TCEANC2: variants seen among roughly 807,000 people sequenced by gnomAD.
The protein encoded by TCEANC2 is transcription elongation factor A N-terminal and central domain-containing protein 2.
Under a neutral mutation model 22.8 loss-of-function variants are expected in TCEANC2, and 20 were observed. The ratio of observed to expected loss-of-function variants is 0.88; its 90% CI spans 0.62 to 1.28. TCEANC2 has a LOEUF of 1.28. Among genes scored for constraint, TCEANC2 ranks in the 50% most tolerant of loss-of-function variants. The pLI is 0.00. For missense variants in TCEANC2, 251 were observed against 249.7 expected (o/e 1.01, Z -0.03); for synonymous variants, 84 against 95.5 (o/e 0.88, Z 0.70).
chr1:54,057,612 C>T (rs141402059), intron 2 of TCEANC2, among the ~76,000 whole-genome samples: 266 of 152,172 alleles, frequency 1.7e-3, no homozygotes, highest in Non-Finnish European at 3.4e-3. Context: ...GACTTGTCTC[C>T]CTGCCTTTGA....
rs1287025414 is a variant in TCEANC2, at chr1:54,096,614, G to A, written c.*141G>A. 1 of 1,403,108 alleles carries A rather than the reference G, an allele frequency of 7.1e-7. No homozygotes were observed. 86.9% of individuals were successfully genotyped at this position (1,403,108 alleles called of 1,614,324 possible). ...ATGGTGCCGTTCCTTTGCAGACAGA[G>A]GATTCGGAGAGCCCTAGGAGACAGG... On this transcript the variant is annotated 3_prime_UTR_variant, in exon 5 of 5. Coordinates refer to ENST00000234827, the MANE Select transcript of TCEANC2 (RefSeq NM_153035.3). This position sits in a 1 kb window ranked among gnomAD's most constrained non-coding sequence, Gnocchi z 4.9.
Position 54,069,603 on chromosome 1 carries a change from C to CAA in TCEANC2, c.244+722_244+723dup, listed in dbSNP as rs1333889985. On this transcript the variant is annotated intron_variant, in intron 3 of 4. Coordinates refer to ENST00000234827, the MANE Select transcript of TCEANC2 (RefSeq NM_153035.3). Reference sequence around the variant, plus strand: ...AGCCTGGGCGACTCAGACTCTGTCTCAAAAAAAAAAAAAAAAAGAAACTTA... The same window carrying CAA: ...AGCCTGGGCGACTCAGACTCTGTCTCAAAAAAAAAAAAAAAAAAAGAAACTTA... 5.0e-3 allele frequency among the ~76,000 whole-genome samples: 337 copies of CAA among 67,626 alleles called. 1 individual carries two copies. The highest frequency in any genetic ancestry group is 0.016 in the African/African-American group (318 of 20,014). The allele number at this position is 67,626 out of a possible 152,430, so 44.4% of individuals were successfully genotyped here.
At chr1:54,074,768 G>A (rs541843374) in intron 3 of TCEANC2, among the ~76,000 whole-genome samples, 96 of 152,266 alleles carry the variant, frequency 6.3e-4, no homozygotes, top group Middle Eastern at 3.4e-3. Context: ...ACTTAGGACC[G>A]TTTCAAAAGT....
At chr1:54,106,862 T>G (rs1570036831), downstream of TCEANC2, among the ~76,000 whole-genome samples, 1 of 152,184 alleles carries the variant, frequency 6.6e-6, no homozygotes, top group Non-Finnish European at 1.5e-5. Flanking sequence ...CCTTGCCTGA[T>G]TTTTTTAAAT....
intron 2 of TCEANC2, 116 bp downstream of exon 2, chr1:54,054,640 G>C: frequency 9.6e-7 from 1 of 1,039,910 alleles, no homozygotes; most frequent in East Asian, 2.6e-5. Flanking sequence ...CCTCCTCAAA[G>C]TGTACCTGAC....
At position 54,103,069 on chromosome 1, in the gene TCEANC2, C is replaced by T. The variant is rs961321003; in HGVS notation, c.*6596C>T. On this transcript the variant is annotated 3_prime_UTR_variant, in exon 5 of 5. Transcript: ENST00000234827. Reference sequence around the variant, plus strand: ...GTAGTTGGACCTATAGGAGTGGGCACCAAGTGTGAAGATCATTGTATTCCA... The same window carrying T: ...GTAGTTGGACCTATAGGAGTGGGCATCAAGTGTGAAGATCATTGTATTCCA... The T allele has an allele frequency of 5.3e-5, 8 of 152,220 alleles. No individual in the cohort carries two copies. The highest frequency in any genetic ancestry group is 1.9e-4 in the African/African-American group (8 of 41,414). 9.4% of individuals were successfully genotyped at this position (152,220 alleles called of 1,614,324 possible).
chr1:54,089,580 T>C (rs1362369847), intron 4 of TCEANC2, among the ~76,000 whole-genome samples: 5 of 152,234 alleles, frequency 3.3e-5, no homozygotes, highest in African/African-American at 1.2e-4. Context: ...TTCATGTTTC[T>C]TCCTTATCCC....
chr1:54,107,747 C>T (rs1019430463), downstream of TCEANC2, among the ~76,000 whole-genome samples: 2 of 152,144 alleles, frequency 1.3e-5, no homozygotes, highest in East Asian at 1.9e-4. Context: ...TACACAACCA[C>T]GTTGTGTGAG....
At chr1:54,089,060 C>T (rs1263364686) in intron 4 of TCEANC2, among the ~76,000 whole-genome samples, 1 of 152,174 alleles carries the variant, frequency 6.6e-6, no homozygotes, top group Non-Finnish European at 1.5e-5. Flanking sequence ...GAAACCCTGA[C>T]ATTCTAGTTG....
intron 3 of TCEANC2, among the ~76,000 whole-genome samples, chr1:54,086,499 C>A (rs1658342847): frequency 6.6e-6 from 1 of 152,118 alleles, no homozygotes; most frequent in Non-Finnish European, 1.5e-5. Context: ...AAGAGTATTT[C>A]AGGCAGACAG....
intron 3 of TCEANC2, among the ~76,000 whole-genome samples, chr1:54,077,448 T>C (rs550918722): frequency 1.5e-4 from 23 of 152,250 alleles, no homozygotes; most frequent in African/African-American, 4.3e-4. Flanking sequence ...TTTCATACTA[T>C]CCAAATCCAA....
At chr1:54,065,392 G>A (rs1657934180) in intron 2 of TCEANC2, among the ~76,000 whole-genome samples, 2 of 152,166 alleles carry the variant, frequency 1.3e-5, no homozygotes, top group Non-Finnish European at 2.9e-5. Context: ...GGAGAATACT[G>A]GTATCAATTT....
chr1:54,063,842 C>T (rs1410487590), intron 2 of TCEANC2, among the ~76,000 whole-genome samples: 4 of 152,116 alleles, frequency 2.6e-5, no homozygotes, highest in Non-Finnish European at 4.4e-5. Flanking sequence ...AAAAAAGTCT[C>T]TATGTGTTCA....
intron 4 of TCEANC2, 89 bp downstream of exon 4, chr1:54,088,879 T>G: frequency 2.1e-6 from 2 of 931,866 alleles, no homozygotes; most frequent in Non-Finnish European, 3.0e-6. Flanking sequence ...TGGTCGGATG[T>G]GATTAGTAGG....
Position 54,075,779 on chromosome 1 carries a change from G to A in TCEANC2, c.244+6882G>A, listed in dbSNP as rs556277643. 5.9e-5 allele frequency among the ~76,000 whole-genome samples: 9 copies of A among 152,210 alleles called. No individual in the cohort carries two copies. In the East Asian group the frequency reaches 1.2e-3, roughly 20 times the overall value. On this transcript the variant is annotated intron_variant, in intron 3 of 4. Coordinates refer to ENST00000234827, the MANE Select transcript of TCEANC2 (RefSeq NM_153035.3). ...CTCTAATCCCAGCACTTTGGGAGGC[G>A]CAGGCAAGTGAATCACTTGAGGTCA...
At chr1:54,065,172 A>G (rs1657930118) in intron 2 of TCEANC2, among the ~76,000 whole-genome samples, 1 of 152,168 alleles carries the variant, frequency 6.6e-6, no homozygotes, top group South Asian at 2.1e-4. Flanking sequence ...AACTTGTCCA[A>G]TGAAAAAATA....
At position 54,104,359 on chromosome 1, in the gene TCEANC2, C is replaced by T. The variant is rs1046090971; in HGVS notation, c.*7886C>T. 1.7e-5 allele frequency: 4 copies of T among 233,306 alleles called. No homozygotes were observed. The highest frequency in any genetic ancestry group is 1.6e-4 in the South Asian group (3 of 18,298). 14.5% of individuals were successfully genotyped at this position (233,306 alleles called of 1,614,324 possible). ...ATGAACTATTAGCTGTGACTGCACC[C>T]GGGCACTTGAGCTCCTCATATCAGG... On this transcript the variant is annotated 3_prime_UTR_variant, in exon 5 of 5. Transcript: ENST00000234827.
intron 3 of TCEANC2, among the ~76,000 whole-genome samples, chr1:54,073,549 G>T (rs1288963295): frequency 1.3e-5 from 2 of 152,076 alleles, no homozygotes; most frequent in Non-Finnish European, 2.9e-5. Context: ...TTTTTGTTGG[G>T]GTTAGGTGGC....
intron 3 of TCEANC2, among the ~76,000 whole-genome samples, chr1:54,084,106 A>C (rs1245292868): frequency 2.0e-5 from 3 of 151,898 alleles, no homozygotes; most frequent in Admixed American, 6.6e-5. Flanking sequence ...TCTGCCTCCA[A>C]GGTTCAAGCG....
Sources: gnomAD v4.1 joint callset for allele counts (sites outside exome capture counted in the v4.1 genomes callset) on GRCh38, gnomAD v4.1.1 for gene constraint, Gnocchi (gnomAD v3.1) non-coding constraint, MANE v1.5 for transcripts, NCBI Gene and HGNC (gene_info 2026-07-23, HGNC 2026-07-21) for gene names.